The following PRKACA variants were observed in gnomAD, a reference collection of about 807,000 sequenced individuals.
PRKACA encodes protein kinase cAMP-activated catalytic subunit alpha.
Under a neutral mutation model 45.8 loss-of-function variants are expected in PRKACA, and 9 were observed. That is an observed-to-expected ratio of 0.20 (90% CI 0.12 to 0.34). The LOEUF is 0.34. Ranked by LOEUF, PRKACA falls within the 10% of genes least tolerant of loss-of-function variation. PRKACA has a pLI of 1.00. For synonymous variants in PRKACA, 160 were observed against 178.6 expected (o/e 0.90, Z 0.83); for missense variants, 238 against 458.6 (o/e 0.52, Z 4.39).
At chr19:14,109,999 TAC>T (rs764855462) in intron 1 of PRKACA, among the ~76,000 whole-genome samples, 32 of 55,468 alleles carry the variant, frequency 5.8e-4, no homozygotes, top group East Asian at 1.1e-3. Context: ...TATATATATA[TAC>T]ACACACACAC....
intron 1 of PRKACA, among the ~76,000 whole-genome samples, chr19:14,115,420 T>C (rs953147256): frequency 2.6e-5 from 4 of 152,110 alleles, no homozygotes; most frequent in Non-Finnish European, 4.4e-5. Context: ...GTCCAAGAAG[T>C]TTGCTGGTAG....
At chr19:14,094,910 T>G (rs1977200442) in intron 8 of PRKACA, among the ~76,000 whole-genome samples, 1 of 152,276 alleles carries the variant, frequency 6.6e-6, no homozygotes, top group Admixed American at 6.5e-5. Flanking sequence ...GAGTTATAGT[T>G]GCAAGAAACG....
intron 9 of PRKACA, 36 bp downstream of exon 9, chr19:14,093,592 C>A: frequency 6.3e-7 from 1 of 1,598,916 alleles, no homozygotes; most frequent in South Asian, 1.1e-5. Context: ...TGGCCTGCTC[C>A]CAAACCCTCA....
chr19:14,107,496 A>C (rs1450286361), intron 1 of PRKACA, 87 bp from the exon 2 acceptor site: 19 of 1,485,110 alleles, frequency 1.3e-5, no homozygotes, highest in Non-Finnish European at 1.8e-5. Flanking sequence ...ACTTGGTGGA[A>C]AGTGGGGTGC....
chr19:14,117,027 G>C (rs1212465850), intron 1 of PRKACA, among the ~76,000 whole-genome samples: 5 of 147,466 alleles, frequency 3.4e-5, no homozygotes, highest in Non-Finnish European at 6.0e-5. Context: ...CTGGAGGGGG[G>C]AGGGGTGTGG....
At chr19:14,098,114 C>T (rs1000407026) in intron 5 of PRKACA, 12 of 498,900 alleles carry the variant, frequency 2.4e-5, no homozygotes, top group Non-Finnish European at 4.3e-5. Context: ...GAATTCCACT[C>T]ACCACCACCA....
rs534004691 is a variant in PRKACA at position 14,106,742 on chromosome 19, G to A, written c.237+18C>T. 12 of 1,614,010 alleles carry A rather than the reference G, an allele frequency of 7.4e-6. No individual in the cohort carries two copies. The South Asian group carries it at 8.8e-5, about 12-fold the overall frequency. ...AAGGCCTGACAGGCAGGCCCTGAGC[G>A]AGGACAGGCCACCTCACCTTCTGTT... On this transcript the variant is annotated intron_variant, in intron 3 of 9. Coordinates refer to ENST00000308677, the MANE Select transcript of PRKACA (RefSeq NM_002730.4).
At position 14,100,922 on chromosome 19, in the gene PRKACA, T is replaced by G; in HGVS notation, c.337-14A>C. The G allele has an allele frequency of 2.5e-6, 4 of 1,613,094 alleles. No homozygotes were observed. Among genetic ancestry groups the G allele is most frequent in the Non-Finnish European group, 3.4e-6 (4 of 1,179,118 alleles). ...GTTTGAGTTGTCCTGTGGGAAGCAG[T>G]GGCTGGTCAAGGGCCCACCCCTGAG... On this transcript the variant is annotated splice_polypyrimidine_tract_variant and intron_variant, in intron 4 of 9. Transcript: ENST00000308677.
At chr19:14,107,082 C>T (rs551449853) in intron 2 of PRKACA, among the ~76,000 whole-genome samples, 194 bp from the exon 3 acceptor site, 3 of 143,374 alleles carry the variant, frequency 2.1e-5, no homozygotes, top group Non-Finnish European at 4.5e-5. Context: ...GGGCCAGATC[C>T]GGCCCTGGCC....
At chr19:14,107,445 C>T (rs1977646731) in intron 1 of PRKACA, 36 bp from the exon 2 acceptor site, 2 of 1,601,140 alleles carry the variant, frequency 1.2e-6, no homozygotes, top group Non-Finnish European at 1.7e-6. Flanking sequence ...TACAGAGACG[C>T]CCGTCTCACC....
intron 1 of PRKACA, among the ~76,000 whole-genome samples, chr19:14,115,841 A>G (rs1967093923): frequency 6.6e-6 from 1 of 151,756 alleles, no homozygotes; most frequent in Non-Finnish European, 1.5e-5. Context: ...TCCACCTCCC[A>G]GCTGGCCTCA....
Position 14,117,734 on chromosome 19 carries a change from C to T in PRKACA, c.-187G>A, listed in dbSNP as rs918373593. On this transcript the variant is annotated 5_prime_UTR_variant, in exon 1 of 10. Coordinates refer to ENST00000308677, the MANE Select transcript of PRKACA (RefSeq NM_002730.4). ...TCTCCGCGCCCGCCCGCCCGGGAAC[C>T]TCAGCCCAAGATCTCTGCCGCTGTC... 1.4e-4 allele frequency: 24 copies of T among 174,074 alleles called. No homozygotes were observed. Among genetic ancestry groups the T allele is most frequent in the Non-Finnish European group, 2.5e-4 (22 of 88,292 alleles). The allele number at this position is 174,074 out of a possible 1,614,324, so 10.8% of individuals were successfully genotyped here. A position where few individuals can be genotyped will look rare whatever the true frequency, so the allele number is the denominator to read the frequency against.
At chr19:14,094,337 C>T (rs949178116) in intron 8 of PRKACA, among the ~76,000 whole-genome samples, 7 of 152,094 alleles carry the variant, frequency 4.6e-5, no homozygotes, top group African/African-American at 1.2e-4. Flanking sequence ...TACAGGCTCA[C>T]GCCAAGACAC....
At chr19:14,110,539 T>C (rs1355469420) in intron 1 of PRKACA, among the ~76,000 whole-genome samples, 1 of 151,758 alleles carries the variant, frequency 6.6e-6, no homozygotes, top group Non-Finnish European at 1.5e-5. Flanking sequence ...GCCATTACAC[T>C]GCAGGCTGGG....
At chr19:14,108,631 C>T (rs971583474) in intron 1 of PRKACA, among the ~76,000 whole-genome samples, 3 of 151,890 alleles carry the variant, frequency 2.0e-5, no homozygotes, top group Non-Finnish European at 2.9e-5. Context: ...AGGATGGTCT[C>T]GATCTCCTGA....
chr19:14,108,601 G>A (rs192905027), intron 1 of PRKACA, among the ~76,000 whole-genome samples: 8,585 of 151,072 alleles, frequency 0.057, 333 homozygotes, highest in Non-Finnish European at 0.086. Context: ...TAGTGGAGAC[G>A]GGGTTTCACC....
chr19:14,105,852 C>T (rs189360496), intron 3 of PRKACA, among the ~76,000 whole-genome samples: 92 of 152,246 alleles, frequency 6.0e-4, no homozygotes, highest in African/African-American at 2.0e-3. Flanking sequence ...GTATAAAGTC[C>T]GATCACAAAA....
At chr19:14,095,981 C>G (rs554436948) in intron 8 of PRKACA, among the ~76,000 whole-genome samples, 1 of 151,992 alleles carries the variant, frequency 6.6e-6, no homozygotes, top group African/African-American at 2.4e-5. Context: ...GCCTCACCCT[C>G]CCGATGAGCT....
Position 14,097,375 on chromosome 19 carries a change from T to C in PRKACA, c.751A>G (p.Ile251Val). 6.2e-7 allele frequency: 1 copy of C among 1,614,072 alleles called. No homozygotes were observed. The highest frequency in any genetic ancestry group is 8.5e-7 in the Non-Finnish European group (1 of 1,180,016). Residue 251 changes from isoleucine (I) to valine (V), a missense_variant, in exon 8 of 10, where the codon ATC becomes GTC. By Grantham distance (29) the Ile-to-Val change is conservative. Coordinates refer to ENST00000308677, the MANE Select transcript of PRKACA (RefSeq NM_002730.4). The surrounding 1 kb of genome is among the most constrained non-coding windows in gnomAD (Gnocchi z 5.4). ...ADQPIQIYEK[I>V]VSGKVRFPSH... is the part of the protein sequence containing the mutation. ...CCGGACCTCACCTTCCCAGAGACGATCTTCTCATAGATCTGGATGGGCTGG... is the reference window on the plus strand; with the variant it reads ...CCGGACCTCACCTTCCCAGAGACGACCTTCTCATAGATCTGGATGGGCTGG...
Sources: gnomAD v4.1 joint callset for allele counts (sites outside exome capture counted in the v4.1 genomes callset) on GRCh38, gnomAD v4.1.1 for gene constraint, Gnocchi (gnomAD v3.1) non-coding constraint, MANE v1.5 for transcripts, NCBI Gene and HGNC (gene_info 2026-07-23, HGNC 2026-07-21) for gene names.